Variants in CDK15 observed in about 807,000 individuals in gnomAD.
CDK15 encodes the protein cyclin dependent kinase 15.
CDK15 carries 62 observed loss-of-function variants against 60.3 expected under a neutral mutation model. The ratio of observed to expected loss-of-function variants is 1.03; its 90% CI spans 0.84 to 1.27. CDK15 has a LOEUF of 1.27. Ranked by LOEUF, CDK15 falls within the 50% of genes most tolerant of loss-of-function variation. CDK15 has a pLI of 0.00. For synonymous variants in CDK15, 194 were observed against 195.7 expected (o/e 0.99, Z 0.07); for missense variants, 541 against 527.8 (o/e 1.03, Z -0.25).
intron 6 of CDK15, 61 bp downstream of exon 6, chr2:201,823,788 C>A: frequency 7.1e-7 from 1 of 1,407,734 alleles, no homozygotes; most frequent in Non-Finnish European, 1.0e-6. Flanking sequence ...AATTCTGAAA[C>A]AGACTGTCTC....
intron 3 of CDK15, 21 bp from the exon 4 acceptor site, chr2:201,812,462 C>T (rs1048767496): frequency 1.5e-5 from 24 of 1,574,040 alleles, no homozygotes; most frequent in Non-Finnish European, 2.0e-5. Flanking sequence ...AAGTGTGTGC[C>T]CCTCAATCCC....
intron 9 of CDK15, among the ~76,000 whole-genome samples, chr2:201,851,915 T>A (rs187338855): frequency 6.6e-6 from 1 of 152,264 alleles, no homozygotes; most frequent in Admixed American, 6.5e-5. Context: ...TGCCTCAGCC[T>A]CCCAAAGTGC....
intron 11 of CDK15, among the ~76,000 whole-genome samples, chr2:201,873,333 A>T (rs1054679301): frequency 1.3e-5 from 2 of 152,318 alleles, no homozygotes; most frequent in Admixed American, 1.3e-4. Context: ...GTATAACCTG[A>T]AACCTTTTGG....
intron 4 of CDK15, 61 bp downstream of exon 4, chr2:201,812,623 G>A (rs1232028277): frequency 4.7e-6 from 5 of 1,057,340 alleles, no homozygotes; most frequent in African/African-American, 3.2e-5. Flanking sequence ...GGTAAAAAAT[G>A]TATTGCATTG....
chr2:201,807,588 C>A lies in CDK15; in HGVS notation c.218C>A (p.Pro73Gln). The change falls in exon 2 of 14, where the codon CCA (proline) becomes CAA (glutamine). Residue 73 changes from proline (P) to glutamine (Q), a missense_variant. Transcript: ENST00000652192. Reference protein sequence around the residue: ...ARAQKFKSKRPRSNSDCFQEE... With the variant: ...ARAQKFKSKRQRSNSDCFQEE... ...GCCCAGAAGTTCAAGAGTAAAAGGC[C>A]ACGGAGTAACAGTGATTGTTTTCAG... 1 of 1,614,132 alleles carries A rather than the reference C, an allele frequency of 6.2e-7. No homozygotes were observed. The highest frequency in any genetic ancestry group is 2.2e-5 in the East Asian group (1 of 44,884).
At chr2:201,843,347 C>T (rs530407281) in intron 8 of CDK15, among the ~76,000 whole-genome samples, 153 of 152,074 alleles carry the variant, frequency 1.0e-3, no homozygotes, top group African/African-American at 3.5e-3. Context: ...CCACCATACC[C>T]GGCTAATTTT....
At position 201,895,051 on chromosome 2, in the gene CDK15, C is replaced by A. The variant is rs1187097407; in HGVS notation, c.*1784C>A. On this transcript the variant is annotated 3_prime_UTR_variant, in exon 14 of 14. Transcript: ENST00000652192. The stretch of plus-strand genomic sequence containing the variant: ...AGTACCAATCGAAAGCTCAGGGATG[C>A]TACTGTTGACGCATCAGCAAGAGTT... 5.3e-5 allele frequency: 8 copies of A among 152,176 alleles called. No individual in the cohort carries two copies. Among genetic ancestry groups the A allele is most frequent in the Non-Finnish European group, 1.0e-4 (7 of 68,028 alleles). 9.4% of individuals were successfully genotyped at this position (152,176 alleles called of 1,614,324 possible). A position where few individuals can be genotyped will look rare whatever the true frequency, so the allele number is the denominator to read the frequency against.
intron 4 of CDK15, among the ~76,000 whole-genome samples, chr2:201,816,582 G>A (rs1321239752): frequency 6.7e-6 from 1 of 148,972 alleles, no homozygotes; most frequent in Non-Finnish European, 1.5e-5. Context: ...ATTGTGAATA[G>A]TGCTGTGACG....
At chr2:201,875,216 C>A (rs999361930) in intron 11 of CDK15, among the ~76,000 whole-genome samples, 2 of 152,160 alleles carry the variant, frequency 1.3e-5, no homozygotes, top group Non-Finnish European at 2.9e-5. Context: ...GATTGATACA[C>A]AATTTTAATT....
At chr2:201,891,856 A>G (rs1350823453) in intron 13 of CDK15, among the ~76,000 whole-genome samples, 1 of 152,098 alleles carries the variant, frequency 6.6e-6, no homozygotes, top group East Asian at 1.9e-4. Flanking sequence ...AACCACAAGC[A>G]TTATCCTATG....
chr2:201,813,804 T>G (rs1274681708), intron 4 of CDK15, among the ~76,000 whole-genome samples: 5 of 152,204 alleles, frequency 3.3e-5, no homozygotes, highest in South Asian at 2.1e-4. Context: ...TCAGAGCCCC[T>G]GAGGAATACA....
intron 8 of CDK15, among the ~76,000 whole-genome samples, chr2:201,836,416 A>T (rs1163896818): frequency 6.6e-6 from 1 of 151,524 alleles, no homozygotes; most frequent in East Asian, 1.9e-4. Context: ...AGACCCACAG[A>T]GTTCCTGCCC....
intron 10 of CDK15, among the ~76,000 whole-genome samples, chr2:201,858,546 ATTGAAAAGTAGGCT>A (rs1322905426): frequency 1.3e-5 from 2 of 152,170 alleles, no homozygotes; most frequent in East Asian, 1.9e-4. Flanking sequence ...ATGTGGGCAG[ATTGAAAAGTAGGCT>A]TTGAAAAGTA....
chr2:201,825,425 C>T (rs1696431964), intron 6 of CDK15, among the ~76,000 whole-genome samples: 1 of 151,044 alleles, frequency 6.6e-6, no homozygotes, highest in African/African-American at 2.4e-5. Flanking sequence ...TGTGGGAACA[C>T]ATAATAAGGG....
At chr2:201,839,997 T>C (rs1278439432) in intron 8 of CDK15, among the ~76,000 whole-genome samples, 1 of 145,288 alleles carries the variant, frequency 6.9e-6, no homozygotes, top group Non-Finnish European at 1.5e-5. Flanking sequence ...TGTTTTTGTT[T>C]TTTTTGAGAC....
chr2:201,847,542 AC>A, intron 9 of CDK15, 68 bp downstream of exon 9: 7 of 1,360,680 alleles, frequency 5.1e-6, no homozygotes, highest in Non-Finnish European at 7.3e-6. Context: ...AATTTGCCTT[AC>A]AGACAAATGA....
At chr2:201,889,459 G>T (rs1445099522) in intron 12 of CDK15, 12 of 960,516 alleles carry the variant, frequency 1.2e-5, no homozygotes, top group African/African-American at 1.8e-5. Context: ...CTAACACAAG[G>T]TGTTTTGCAT....
At chr2:201,876,354 C>T (rs1222685489) in intron 11 of CDK15, among the ~76,000 whole-genome samples, 1 of 152,232 alleles carries the variant, frequency 6.6e-6, no homozygotes, top group Non-Finnish European at 1.5e-5. Context: ...ACTCTTTCCT[C>T]AGCCTTGCAA....
intron 8 of CDK15, among the ~76,000 whole-genome samples, chr2:201,842,450 T>G (rs112633826): frequency 6.6e-6 from 1 of 152,192 alleles, no homozygotes; most frequent in African/African-American, 2.4e-5. Context: ...CGCTGCAAAC[T>G]TCCAAATATA....
Sources: gnomAD v4.1 joint callset for allele counts (sites outside exome capture counted in the v4.1 genomes callset) on GRCh38, gnomAD v4.1.1 for gene constraint, MANE v1.5 for transcripts, NCBI Gene and HGNC (gene_info 2026-07-23, HGNC 2026-07-21) for gene names.